MACROD2: variants seen among roughly 807,000 people sequenced by gnomAD.
MACROD2 encodes the protein ADP-ribose glycohydrolase MACROD2.
Under a neutral mutation model 70.4 loss-of-function variants are expected in MACROD2, and 36 were observed. That is an observed-to-expected ratio of 0.51 (90% CI 0.39 to 0.68). The LOEUF is 0.68. MACROD2 is among the 30% of genes least tolerant of loss of function. MACROD2 has a pLI of 0.00. For synonymous variants in MACROD2, 172 were observed against 178.8 expected (o/e 0.96, Z 0.30); for missense variants, 496 against 538.4 (o/e 0.92, Z 0.78).
intron 15 of MACROD2, among the ~76,000 whole-genome samples, chr20:16,035,438 T>C (rs1050289863): frequency 1.3e-5 from 2 of 151,812 alleles, no homozygotes; most frequent in African/African-American, 4.8e-5. Context: ...CTCCTTTGTA[T>C]ACATTAATTC....
At chr20:14,914,950 G>T (rs2074073062) in intron 5 of MACROD2, among the ~76,000 whole-genome samples, 1 of 152,082 alleles carries the variant, frequency 6.6e-6, no homozygotes, top group Non-Finnish European at 1.5e-5. Context: ...CACTCCCAGA[G>T]GATCAAACCT....
intron 5 of MACROD2, among the ~76,000 whole-genome samples, chr20:14,829,490 A>G (rs1023689067): frequency 6.6e-6 from 1 of 152,048 alleles, no homozygotes; most frequent in African/African-American, 2.4e-5. Flanking sequence ...CAGTGTATTC[A>G]GGCAGCTCAA....
chr20:14,327,790 A>T (rs2082762340), intron 3 of MACROD2, among the ~76,000 whole-genome samples: 1 of 152,114 alleles, frequency 6.6e-6, no homozygotes, highest in Non-Finnish European at 1.5e-5. Context: ...ATCTGTCCTA[A>T]ATCCATTTGA....
chr20:14,858,278 C>T (rs1254482848), intron 5 of MACROD2, among the ~76,000 whole-genome samples: 1 of 151,980 alleles, frequency 6.6e-6, no homozygotes, highest in African/African-American at 2.4e-5. Context: ...TGTGGTTAAC[C>T]CGATGCAGGA....
intron 8 of MACROD2, among the ~76,000 whole-genome samples, chr20:15,554,173 T>A (rs937700865): frequency 1.3e-5 from 2 of 152,162 alleles, no homozygotes; most frequent in Non-Finnish European, 2.9e-5. Flanking sequence ...GTATGAGAAG[T>A]GGCATAGAGA....
chr20:14,899,111 T>G (rs1247450890), intron 5 of MACROD2, among the ~76,000 whole-genome samples: 1 of 152,212 alleles, frequency 6.6e-6, no homozygotes, highest in African/African-American at 2.4e-5. Context: ...GAGTTGTTGT[T>G]CCTGAACTGC....
At chr20:15,171,975 T>TA (rs1306012939) in intron 5 of MACROD2, among the ~76,000 whole-genome samples, 1 of 152,176 alleles carries the variant, frequency 6.6e-6, no homozygotes, top group African/African-American at 2.4e-5. Flanking sequence ...AGTGAATGAA[T>TA]AAAAAATGAA....
intron 3 of MACROD2, among the ~76,000 whole-genome samples, chr20:14,262,005 C>T (rs1238365282): frequency 6.6e-6 from 1 of 152,016 alleles, no homozygotes; most frequent in Non-Finnish European, 1.5e-5. Flanking sequence ...AAGCTAAAAG[C>T]TGGAGAGGAG....
chr20:14,133,710 T>A (rs77368786), intron 3 of MACROD2, among the ~76,000 whole-genome samples: 2,150 of 152,330 alleles, frequency 0.014, 29 homozygotes, highest in Non-Finnish European at 0.021. Flanking sequence ...TTTGGCATGG[T>A]TTAAGGTCTT....
At chr20:14,159,103 T>A (rs888692490) in intron 3 of MACROD2, among the ~76,000 whole-genome samples, 3 of 152,048 alleles carry the variant, frequency 2.0e-5, no homozygotes, top group African/African-American at 7.2e-5. Flanking sequence ...CTGGGTGTGG[T>A]GATGGGTGCC....
chr20:14,349,587 A>C (rs2083100470), intron 3 of MACROD2, among the ~76,000 whole-genome samples: 1 of 146,826 alleles, frequency 6.8e-6, no homozygotes, highest in Non-Finnish European at 1.5e-5. Flanking sequence ...TGTACCTATT[A>C]ACCATCCCCA....
intron 5 of MACROD2, among the ~76,000 whole-genome samples, chr20:14,965,690 G>C (rs898458988): frequency 6.6e-6 from 1 of 150,684 alleles, no homozygotes; most frequent in Non-Finnish European, 1.5e-5. Flanking sequence ...GGATGGTCTC[G>C]ATCTCCTGAC....
chr20:15,476,157 T>C (rs1321194932), intron 7 of MACROD2, among the ~76,000 whole-genome samples: 1 of 152,204 alleles, frequency 6.6e-6, no homozygotes, highest in Non-Finnish European at 1.5e-5. Flanking sequence ...TGTTATACTT[T>C]TTCGAATCCC....
intron 8 of MACROD2, among the ~76,000 whole-genome samples, chr20:15,854,281 G>C (rs567699988): frequency 6.6e-6 from 1 of 152,148 alleles, no homozygotes; most frequent in Admixed American, 6.5e-5. Context: ...TCTTGCTGGC[G>C]TGGAAGAAAA....
intron 5 of MACROD2, among the ~76,000 whole-genome samples, chr20:14,712,772 A>G (rs1331955569): frequency 6.6e-6 from 1 of 152,150 alleles, no homozygotes; most frequent in Non-Finnish European, 1.5e-5. Flanking sequence ...AATCTCACTC[A>G]GTTAGACTGT....
intron 4 of MACROD2, among the ~76,000 whole-genome samples, chr20:14,583,271 C>A (rs540863542): frequency 6.6e-6 from 1 of 152,116 alleles, no homozygotes; most frequent in Non-Finnish European, 1.5e-5. Context: ...AACCCACAGA[C>A]CGTTAGGGGC....
intron 3 of MACROD2, among the ~76,000 whole-genome samples, chr20:14,346,223 A>G (rs567136801): frequency 1.3e-5 from 2 of 152,200 alleles, no homozygotes; most frequent in African/African-American, 4.8e-5. Context: ...AATGATCCCA[A>G]ATATATTTGG....
At chr20:14,058,939 G>T (rs941787803) in intron 2 of MACROD2, among the ~76,000 whole-genome samples, 1 of 152,046 alleles carries the variant, frequency 6.6e-6, no homozygotes. Context: ...ACTGCGTCTG[G>T]CCTGTTTTAT....
chr20:14,944,632 G>A (rs149869789), intron 5 of MACROD2, among the ~76,000 whole-genome samples: 1 of 152,252 alleles, frequency 6.6e-6, no homozygotes, highest in African/African-American at 2.4e-5. Flanking sequence ...AAGGGAATGC[G>A]TACAGGATCT....
Sources: allele counts gnomAD v4.1 joint callset (sites outside exome capture counted in the v4.1 genomes callset), GRCh38; gene constraint gnomAD v4.1.1; transcripts MANE v1.5; gene names NCBI Gene and HGNC (gene_info 2026-07-23, HGNC 2026-07-21).